AGBL4: variants seen among roughly 807,000 people sequenced by gnomAD.
AGBL4 encodes the protein cytosolic carboxypeptidase 6.
A neutral mutation model predicts 66.4 loss-of-function variants in AGBL4; 58 were observed. The ratio of observed to expected loss-of-function variants is 0.87; its 90% CI spans 0.71 to 1.09. AGBL4 has a LOEUF of 1.09. AGBL4 is among the 50% of genes least tolerant of loss of function. The probability of loss-of-function intolerance (pLI) is 0.00; values close to 1 mark genes in which losing one functional copy is unlikely to be tolerated. For synonymous variants in AGBL4, 234 were observed against 222.9 expected, an observed-to-expected ratio of 1.05 and a Z score of -0.44; for missense variants, 579 against 631.0, an observed-to-expected ratio of 0.92 and a Z score of 0.88.
At chr1:49,223,755 A>G (rs1432198373) in intron 4 of AGBL4, among the ~76,000 whole-genome samples, 3 of 152,162 alleles carry the variant, frequency 2.0e-5, no homozygotes, top group African/African-American at 7.2e-5. Context: ...GTGTTCCTGA[A>G]TTAGGTCACG....
intron 5 of AGBL4, among the ~76,000 whole-genome samples, chr1:48,991,202 C>T (rs1247440627): frequency 6.6e-6 from 1 of 152,126 alleles, no homozygotes; most frequent in Non-Finnish European, 1.5e-5. Flanking sequence ...GAAAGTATTT[C>T]TACTTCACGT....
At chr1:48,731,466 G>C (rs960098446) in intron 6 of AGBL4, among the ~76,000 whole-genome samples, 2 of 152,152 alleles carry the variant, frequency 1.3e-5, no homozygotes, top group African/African-American at 2.4e-5. Context: ...AGGAGGCAAA[G>C]ATACAGTAAG....
intron 1 of AGBL4, among the ~76,000 whole-genome samples, chr1:49,885,988 T>C (rs1213481597): frequency 6.6e-6 from 1 of 152,142 alleles, no homozygotes; most frequent in Non-Finnish European, 1.5e-5. Context: ...GACTTCTCTA[T>C]TTTCATCGCA....
chr1:49,885,487 CA>C (rs995383650), intron 1 of AGBL4, among the ~76,000 whole-genome samples: 2 of 151,524 alleles, frequency 1.3e-5, no homozygotes, highest in South Asian at 4.2e-4. Context: ...AATAACTCAC[CA>C]AAAAAACCCC....
At chr1:49,485,588 C>A (rs1156314174) in intron 3 of AGBL4, among the ~76,000 whole-genome samples, 2 of 150,210 alleles carry the variant, frequency 1.3e-5, no homozygotes, top group African/African-American at 4.9e-5. Flanking sequence ...GCACATGTAC[C>A]CTAAAACTTA....
intron 3 of AGBL4, among the ~76,000 whole-genome samples, chr1:49,260,838 G>C (rs922270047): frequency 6.6e-6 from 1 of 151,590 alleles, no homozygotes; most frequent in Non-Finnish European, 1.5e-5. Flanking sequence ...TACCAAAGCC[G>C]GGCAGAGACA....
At chr1:48,616,070 A>G (rs1645313197) in intron 9 of AGBL4, among the ~76,000 whole-genome samples, 1 of 152,140 alleles carries the variant, frequency 6.6e-6, no homozygotes, top group Admixed American at 6.5e-5. Context: ...TCTCAATACA[A>G]TTGCACTGGG....
chr1:49,108,453 G>A (rs921934874), intron 4 of AGBL4, among the ~76,000 whole-genome samples: 1 of 152,162 alleles, frequency 6.6e-6, no homozygotes, highest in Non-Finnish European at 1.5e-5. Context: ...GGGAATCTCT[G>A]TTTAATGAGA....
intron 1 of AGBL4, among the ~76,000 whole-genome samples, chr1:49,881,018 TCGCGCACAGTG>T (rs904803562): frequency 6.6e-6 from 1 of 152,118 alleles, no homozygotes; most frequent in African/African-American, 2.4e-5. Flanking sequence ...CTGCTTAGGC[TCGCGCACAGTG>T]CGCGCACCCA....
At chr1:49,309,959 C>T (rs1644915950) in intron 3 of AGBL4, among the ~76,000 whole-genome samples, 1 of 151,990 alleles carries the variant, frequency 6.6e-6, no homozygotes, top group Non-Finnish European at 1.5e-5. Flanking sequence ...GCATGTAGGA[C>T]AGGTTTCTTT....
At chr1:49,293,496 T>TA (rs1347109290) in intron 3 of AGBL4, among the ~76,000 whole-genome samples, 2 of 152,204 alleles carry the variant, frequency 1.3e-5, no homozygotes, top group Non-Finnish European at 2.9e-5. Context: ...ATTATATACG[T>TA]AAAATTTGAG....
In AGBL4 at chr1:50,023,697, C is replaced by G; in HGVS notation, c.34+66G>C. 4 of 1,514,866 alleles carry G rather than the reference C, an allele frequency of 2.6e-6. No individual in the cohort carries two copies. The East Asian group carries it at 7.8e-5, about 29-fold the overall frequency. The allele number at this position is 1,514,866 out of a possible 1,614,324, so 93.8% of individuals were successfully genotyped here. ...AGGAGTAGGACCATGCCCGAGTCCC[C>G]TGTTGCCTGAGACCCAGGACAGCCT... On this transcript the variant is annotated intron_variant, in intron 1 of 13. Transcript: ENST00000371839.
chr1:49,935,861 A>G (rs1251880143), intron 1 of AGBL4, among the ~76,000 whole-genome samples: 1 of 152,194 alleles, frequency 6.6e-6, no homozygotes, highest in Non-Finnish European at 1.5e-5. Flanking sequence ...AAAGACCAAA[A>G]GTAGATAAAA....
At chr1:49,359,401 G>A (rs1027361913) in intron 3 of AGBL4, among the ~76,000 whole-genome samples, 2 of 152,174 alleles carry the variant, frequency 1.3e-5, no homozygotes, top group African/African-American at 2.4e-5. Flanking sequence ...ATAATTAAGT[G>A]TGTAAAAGTT....
chr1:49,054,143 CA>C (rs1046283723), intron 4 of AGBL4, among the ~76,000 whole-genome samples: 1 of 151,878 alleles, frequency 6.6e-6, no homozygotes, highest in Non-Finnish European at 1.5e-5. Context: ...TGATCATTAC[CA>C]ATTCCAAGTT....
At chr1:48,816,014 G>A (rs1048744495) in intron 6 of AGBL4, among the ~76,000 whole-genome samples, 1 of 151,106 alleles carries the variant, frequency 6.6e-6, no homozygotes, top group African/African-American at 2.4e-5. Flanking sequence ...CAAAACATGG[G>A]CAGATTTTGG....
intron 6 of AGBL4, among the ~76,000 whole-genome samples, chr1:48,823,156 A>C (rs1033129457): frequency 6.6e-6 from 1 of 152,236 alleles, no homozygotes; most frequent in Non-Finnish European, 1.5e-5. Context: ...TTTATTTATT[A>C]ATAGAGCAAA....
intron 2 of AGBL4, among the ~76,000 whole-genome samples, chr1:49,757,543 T>G (rs1246620065): frequency 2.6e-5 from 4 of 152,078 alleles, no homozygotes; most frequent in Non-Finnish European, 5.9e-5. Flanking sequence ...TAGAGACTTG[T>G]TGAATGGTTT....
intron 3 of AGBL4, among the ~76,000 whole-genome samples, chr1:49,317,292 T>C (rs114889390): frequency 0.057 from 8,736 of 151,994 alleles, 342 homozygotes; most frequent in Middle Eastern, 0.088. Context: ...TAATCCTAAA[T>C]ATACCTCGAG....
Sources: allele counts gnomAD v4.1 joint callset (sites outside exome capture counted in the v4.1 genomes callset), GRCh38; gene constraint gnomAD v4.1.1; transcripts MANE v1.5; gene names NCBI Gene and HGNC (gene_info 2026-07-23, HGNC 2026-07-21).